Variants in TCN2 observed in about 807,000 individuals in gnomAD.
The protein encoded by TCN2 is transcobalamin-2.
A neutral mutation model predicts 48.6 loss-of-function variants in TCN2; 34 were observed. The ratio of observed to expected loss-of-function variants is 0.70; its 90% CI spans 0.53 to 0.93. TCN2 has a LOEUF of 0.93. Ranked by LOEUF, TCN2 falls within the 40% of genes least tolerant of loss-of-function variation. The pLI is 0.00. For missense variants in TCN2, 652 were observed against 526.1 expected, an observed-to-expected ratio of 1.24 and a Z score of -2.34; for synonymous variants, 283 against 212.5, an observed-to-expected ratio of 1.33 and a Z score of -2.89.
At chr22:30,615,183 T>A in intron 4 of TCN2, 118 bp from the exon 5 acceptor site, 1 of 1,100,680 alleles carries the variant, frequency 9.1e-7, no homozygotes, top group African/African-American at 1.6e-5. Context: ...CATGTTGCCC[T>A]TCTTCTCCAA....
At chr22:30,607,911 T>C (rs1180693399) in intron 1 of TCN2, among the ~76,000 whole-genome samples, 2 of 152,124 alleles carry the variant, frequency 1.3e-5, no homozygotes, top group African/African-American at 4.8e-5. Flanking sequence ...GAAGACTTTC[T>C]GAAGACCAAG....
intron 7 of TCN2, among the ~76,000 whole-genome samples, chr22:30,618,849 A>G (rs1656119924): frequency 6.6e-6 from 1 of 152,104 alleles, no homozygotes; most frequent in Non-Finnish European, 1.5e-5. Context: ...AGCTCATGGC[A>G]GCATCTACCT....
intron 5 of TCN2, 44 bp from the exon 6 acceptor site, chr22:30,615,557 C>A (rs747407721): frequency 1.9e-6 from 3 of 1,613,920 alleles, no homozygotes; most frequent in Non-Finnish European, 8.5e-7. Flanking sequence ...CTAGCCCCTC[C>A]CTGCCGGCTG....
intron 8 of TCN2, among the ~76,000 whole-genome samples, chr22:30,625,464 T>TA (rs1257483360): frequency 6.6e-6 from 1 of 151,996 alleles, no homozygotes; most frequent in African/African-American, 2.4e-5. Flanking sequence ...TAATGGTACT[T>TA]AAAAATTTTT....
chr22:30,611,589 C>T (rs1425239216), intron 2 of TCN2, among the ~76,000 whole-genome samples: 2 of 152,230 alleles, frequency 1.3e-5, no homozygotes, highest in African/African-American at 2.4e-5. Context: ...CTTGCCCCAA[C>T]CTCCAATTCC....
chr22:30,613,746 C>T (rs753547251), intron 3 of TCN2, among the ~76,000 whole-genome samples: 4 of 152,188 alleles, frequency 2.6e-5, no homozygotes, highest in African/African-American at 4.8e-5. Context: ...CAATATAAAC[C>T]TGATCTTGCT....
chr22:30,619,265 A>T (rs2087662093), intron 7 of TCN2, among the ~76,000 whole-genome samples: 1 of 152,156 alleles, frequency 6.6e-6, no homozygotes, highest in Non-Finnish European at 1.5e-5. Context: ...TTTTTTGTAG[A>T]CATGGGATTG....
intron 2 of TCN2, among the ~76,000 whole-genome samples, chr22:30,611,517 ATCTTT>A (rs769490200): frequency 2.4e-4 from 36 of 152,332 alleles, no homozygotes; most frequent in Non-Finnish European, 4.3e-4. Flanking sequence ...CAGAAGCAGC[ATCTTT>A]TCTTTTCTTT....
intron 1 of TCN2, among the ~76,000 whole-genome samples, chr22:30,609,939 C>T (rs2087510374): frequency 6.6e-6 from 1 of 152,134 alleles, no homozygotes; most frequent in African/African-American, 2.4e-5. Flanking sequence ...TCGTTCTGGT[C>T]CCCTGGGATA....
At position 30,615,677 on chromosome 22, in the gene TCN2, G is replaced by T. The variant is rs550053635; in HGVS notation, c.830G>T (p.Ser277Ile). Reference sequence around the variant, plus strand: ...AAGGCGAGGGTTGCTTTGCTGGCCAGTCTGCAGGATGGAGCCTTCCAGAAT... The same window carrying T: ...AAGGCGAGGGTTGCTTTGCTGGCCATTCTGCAGGATGGAGCCTTCCAGAAT... ...CLKARVALLA[S>I]LQDGAFQNAL... Residue 277 changes from serine (S) to isoleucine (I), a missense_variant, in exon 6 of 9, where the codon AGT becomes ATT. Coordinates refer to ENST00000215838, the MANE Select transcript of TCN2 (RefSeq NM_000355.4). 1.2e-6 allele frequency: 2 copies of T among 1,614,248 alleles called. No individual in the cohort carries two copies. The highest frequency in any genetic ancestry group is 2.2e-5 in the South Asian group (2 of 91,092).
Position 30,613,054 on chromosome 22 carries a change from C to T in TCN2, c.427+12C>T. 2 of 1,613,550 alleles carry T rather than the reference C, an allele frequency of 1.2e-6. No individual in the cohort carries two copies. The highest frequency in any genetic ancestry group is 1.7e-6 in the Non-Finnish European group (2 of 1,179,764). On this transcript the variant is annotated intron_variant, in intron 3 of 8. Coordinates refer to ENST00000215838, the MANE Select transcript of TCN2 (RefSeq NM_000355.4). ...GAAGAGAGCCATTGGTGAGCAGACACCATCCGCTGGGGGTGGGGAGCAGCT... is the reference window on the plus strand; with the variant it reads ...GAAGAGAGCCATTGGTGAGCAGACATCATCCGCTGGGGGTGGGGAGCAGCT...
chr22:30,622,937 TTC>T, intron 7 of TCN2, 29 bp from the exon 8 acceptor site: 1 of 1,610,226 alleles, frequency 6.2e-7, no homozygotes, highest in Non-Finnish European at 8.5e-7. Context: ...CAGCCACCTC[TTC>T]TCTCCCCATT....
chr22:30,614,149 A>G (rs1164183071), intron 3 of TCN2, among the ~76,000 whole-genome samples, 200 bp from the exon 4 acceptor site: 2 of 152,318 alleles, frequency 1.3e-5, no homozygotes, highest in East Asian at 1.9e-4. Flanking sequence ...CCTGTCTGCC[A>G]TGGGTCTCCT....
intron 3 of TCN2, 45 bp from the exon 4 acceptor site, chr22:30,614,304 T>C (rs748324696): frequency 1.9e-6 from 3 of 1,601,146 alleles, no homozygotes; most frequent in African/African-American, 2.7e-5. Context: ...GGCTGGCTGC[T>C]GGGTGGGGGC....
intron 6 of TCN2, among the ~76,000 whole-genome samples, chr22:30,616,098 C>T (rs1241403388): frequency 2.6e-5 from 4 of 152,010 alleles, no homozygotes; most frequent in African/African-American, 9.7e-5. Context: ...TTTTGGTTAA[C>T]TCTAATACAA....
chr22:30,624,051 C>CATACATATGTATACATATAT (rs1569047255), intron 8 of TCN2, among the ~76,000 whole-genome samples: 2 of 18,870 alleles, frequency 1.1e-4, no homozygotes, highest in Non-Finnish European at 9.8e-5. Context: ...TATACACACA[C>CATACATATGTATACATATAT]ACACACACAC....
rs574784792 is a variant in TCN2 at position 30,608,616 on chromosome 22, C to T, written c.64+1221C>T. On this transcript the variant is annotated intron_variant, in intron 1 of 8. Transcript: ENST00000215838. ...TGTTGCCCAGGCTGGTCTCGAACTC[C>T]TGGGCTCAAGTGAAACTCTTGCGTC... Among the ~76,000 whole-genome samples, 5 of 152,280 alleles carry T rather than the reference C, an allele frequency of 3.3e-5. No individual in the cohort carries two copies. In the South Asian group the frequency reaches 1.0e-3, roughly 32 times the overall value.
chr22:30,619,569 T>G (rs773376468), intron 7 of TCN2, among the ~76,000 whole-genome samples: 2 of 152,204 alleles, frequency 1.3e-5, no homozygotes, highest in Non-Finnish European at 2.9e-5. Context: ...TCTCATGTTA[T>G]CAGTGGGGAG....
Position 30,614,448 on chromosome 22 carries a change from T to G in TCN2, c.527T>G (p.Val176Gly). 1 of 1,614,128 alleles carries G rather than the reference T, an allele frequency of 6.2e-7. No homozygotes were observed. Among genetic ancestry groups the G allele is most frequent in the Non-Finnish European group, 8.5e-7 (1 of 1,180,036 alleles). Residue 176 changes from valine (V) to glycine (G), a missense_variant, in exon 4 of 9, where the codon GTG (valine) becomes GGG (glycine). Physicochemically the swap from Val to Gly is moderately radical, Grantham distance 109. Coordinates refer to ENST00000215838, the MANE Select transcript of TCN2 (RefSeq NM_000355.4). Reference sequence around the variant, plus strand: ...CAGAAGCGGGTCCATGACAGCGTGGTGGACAAACTTCTGTATGCTGTGGAA... The same window carrying G: ...CAGAAGCGGGTCCATGACAGCGTGGGGGACAAACTTCTGTATGCTGTGGAA... ...LHQKRVHDSV[V>G]DKLLYAVEPF...
Sources: gnomAD v4.1 joint callset for allele counts (sites outside exome capture counted in the v4.1 genomes callset) on GRCh38, gnomAD v4.1.1 for gene constraint, MANE v1.5 for transcripts, NCBI Gene and HGNC (gene_info 2026-07-23, HGNC 2026-07-21) for gene names.